DEFB1: variants seen among roughly 807,000 people sequenced by gnomAD.
DEFB1 encodes the protein beta-defensin 1.
In DEFB1, 4 loss-of-function variants were observed where a neutral mutation model predicts 2.6. The ratio of observed to expected loss-of-function variants is 1.53; its 90% CI spans 0.76 to 3.51. The LOEUF is 3.51. Ranked by LOEUF, DEFB1 falls within the 30% of genes most tolerant of loss-of-function variation. DEFB1 has a pLI of 0.01. For synonymous variants in DEFB1, 56 were observed against 28.5 expected (o/e 1.96, Z -3.07); for missense variants, 162 against 76.9 (o/e 2.11, Z -4.14).
chr8:6,873,860 C>A (rs111704853), intron 1 of DEFB1, among the ~76,000 whole-genome samples: 7 of 152,150 alleles, frequency 4.6e-5, no homozygotes, highest in African/African-American at 1.7e-4. Flanking sequence ...ACTTTTACAA[C>A]CTTTGGTCTG....
At chr8:6,873,684 G>A (rs554796981) in intron 1 of DEFB1, among the ~76,000 whole-genome samples, 2 of 152,102 alleles carry the variant, frequency 1.3e-5, no homozygotes, top group South Asian at 4.1e-4. Context: ...GAGGGGAAAG[G>A]AGGCAGAGGA....
rs755715533 is a variant in DEFB1, at chr8:6,877,830, T to A, written c.28A>T (p.Thr10Ser). 20 of 1,613,124 alleles carry A rather than the reference T, an allele frequency of 1.2e-5. No homozygotes were observed. Among genetic ancestry groups the A allele is most frequent in the Non-Finnish European group, 1.7e-5 (20 of 1,179,804 alleles). MRTSYLLLF[T>S]LCLLLSEMAS... ...ATCTCAGACAAAAGTAAGCAGAGAGTAAACAGCAGAAGGTAGGAAGTTCTC... is the reference window on the plus strand; with the variant it reads ...ATCTCAGACAAAAGTAAGCAGAGAGAAAACAGCAGAAGGTAGGAAGTTCTC... The change falls in exon 1 of 2, where the codon ACT becomes TCT. Residue 10 changes from threonine (T) to serine (S), a missense_variant. By Grantham distance (58) the Thr-to-Ser change is moderately conservative. Coordinates refer to ENST00000297439, the MANE Select transcript of DEFB1 (RefSeq NM_005218.4).
intron 1 of DEFB1, 115 bp from the exon 2 acceptor site, chr8:6,870,941 A>G: frequency 8.3e-7 from 1 of 1,198,682 alleles, no homozygotes; most frequent in Non-Finnish European, 1.1e-6. Context: ...CTTCTCTTCC[A>G]AGAAATTGGC....
chr8:6,877,610 C>G (rs1244379803), intron 1 of DEFB1, among the ~76,000 whole-genome samples, 187 bp downstream of exon 1: 1 of 152,230 alleles, frequency 6.6e-6, no homozygotes, highest in African/African-American at 2.4e-5. Context: ...TGGCGGCTCA[C>G]AGACCCTGAA....
intron 1 of DEFB1, among the ~76,000 whole-genome samples, chr8:6,871,223 C>T (rs562373062): frequency 6.6e-6 from 1 of 152,342 alleles, no homozygotes; most frequent in South Asian, 2.1e-4. Flanking sequence ...GCCTACACTT[C>T]CCTCCTTCCA....
rs1391854594 is a variant in DEFB1 at position 6,877,816 on chromosome 8, A to C, written c.42T>G (p.Leu14=). 1.9e-6 allele frequency: 3 copies of C among 1,613,856 alleles called. No homozygotes were observed. The East Asian group carries it at 6.7e-5, about 36-fold the overall frequency. ...GCTTACCTGAGGCCATCTCAGACAA[A>C]AGTAAGCAGAGAGTAAACAGCAGAA... ...SYLLLFTLCL[L]LSEMASGGNF... The change falls in exon 1 of 2, where the codon CTT becomes CTG. Residue 14 remains leucine (L), a synonymous_variant. Transcript: ENST00000297439.
At chr8:6,870,986 G>T (rs755227095) in intron 1 of DEFB1, among the ~76,000 whole-genome samples, 160 bp from the exon 2 acceptor site, 1 of 152,240 alleles carries the variant, frequency 6.6e-6, no homozygotes. Context: ...CATGAAATGA[G>T]GTGTCTGAAC....
intron 1 of DEFB1, among the ~76,000 whole-genome samples, chr8:6,874,012 A>G (rs1056180098): frequency 1.5e-4 from 23 of 152,062 alleles, no homozygotes; most frequent in Non-Finnish European, 2.8e-4. Context: ...TGTTTCTCTT[A>G]CGTGCTTCTT....
intron 1 of DEFB1, among the ~76,000 whole-genome samples, chr8:6,874,108 A>G (rs956050651): frequency 6.0e-5 from 9 of 148,882 alleles, no homozygotes; most frequent in Non-Finnish European, 8.9e-5. Flanking sequence ...AACAGCTAGA[A>G]TATCTGACAT....
intron 1 of DEFB1, among the ~76,000 whole-genome samples, chr8:6,871,871 T>C (rs376231176): frequency 9.5e-4 from 145 of 152,326 alleles, no homozygotes; most frequent in African/African-American, 3.1e-3. Context: ...TTGTTTAAAC[T>C]GCCTGGTCTG....
chr8:6,873,240 G>A (rs2977777), intron 1 of DEFB1, among the ~76,000 whole-genome samples: 124,265 of 152,216 alleles, frequency 0.82, 50,882 homozygotes, highest in Middle Eastern at 0.89. Context: ...GACCAACCCC[G>A]GACCAGAATG....
Position 6,871,244 on chromosome 8 carries a change from T to TA in DEFB1, c.62-419dup, listed in dbSNP as rs370539807. Among the ~76,000 whole-genome samples the TA allele has an allele frequency of 1.4e-3, 212 of 152,336 alleles. 1 individual carries two copies. Among genetic ancestry groups the TA allele is most frequent in the Non-Finnish European group, 2.1e-3 (140 of 68,024 alleles). On this transcript the variant is annotated intron_variant, in intron 1 of 1. Coordinates refer to ENST00000297439, the MANE Select transcript of DEFB1 (RefSeq NM_005218.4). ...ACTTCCCTCCTTCCATGCCTTCAGTTACGCTGTTCCCTCTGCCTTGAATCC... is the reference window on the plus strand; with the variant it reads ...ACTTCCCTCCTTCCATGCCTTCAGTTAACGCTGTTCCCTCTGCCTTGAATCC...
At chr8:6,876,768 A>T (rs921852296) in intron 1 of DEFB1, among the ~76,000 whole-genome samples, 1 of 151,374 alleles carries the variant, frequency 6.6e-6, no homozygotes, top group Non-Finnish European at 1.5e-5. Context: ...ACACCACTGC[A>T]CTTTAGCCTG....
chr8:6,873,036 A>C (rs1806379916), intron 1 of DEFB1, among the ~76,000 whole-genome samples: 1 of 152,224 alleles, frequency 6.6e-6, no homozygotes, highest in South Asian at 2.1e-4. Context: ...TTTGTTCTTG[A>C]TTGTTCTTCT....
chr8:6,872,986 A>G (rs1806377817), intron 1 of DEFB1, among the ~76,000 whole-genome samples: 3 of 152,210 alleles, frequency 2.0e-5, no homozygotes, highest in Non-Finnish European at 4.4e-5. Context: ...CTGAGCATAT[A>G]AATTTGAAAG....
At chr8:6,873,130 G>T (rs1563396216) in intron 1 of DEFB1, among the ~76,000 whole-genome samples, 1 of 152,294 alleles carries the variant, frequency 6.6e-6, no homozygotes, top group African/African-American at 2.4e-5. Context: ...TTAGAGCCAG[G>T]ATGGACTTCG....
intron 1 of DEFB1, among the ~76,000 whole-genome samples, chr8:6,873,888 C>T (rs1806418569): frequency 6.6e-6 from 1 of 152,296 alleles, no homozygotes; most frequent in Middle Eastern, 3.4e-3. Flanking sequence ...GAGGTTCCTT[C>T]CTGTTGGAGC....
At chr8:6,877,055 G>A (rs555126403) in intron 1 of DEFB1, among the ~76,000 whole-genome samples, 1 of 152,258 alleles carries the variant, frequency 6.6e-6, no homozygotes, top group East Asian at 1.9e-4. Flanking sequence ...TTGCTTTCAG[G>A]ATCATCCTTC....
intron 1 of DEFB1, among the ~76,000 whole-genome samples, chr8:6,876,421 G>A (rs1369232483): frequency 6.6e-6 from 1 of 152,024 alleles, no homozygotes; most frequent in Non-Finnish European, 1.5e-5. Context: ...AGGTTGCAGT[G>A]AGCTGAGATT....
Sources: allele counts gnomAD v4.1 joint callset (sites outside exome capture counted in the v4.1 genomes callset), GRCh38; gene constraint gnomAD v4.1.1; transcripts MANE v1.5; gene names NCBI Gene and HGNC (gene_info 2026-07-23, HGNC 2026-07-21).